Variants in RNF150 observed in about 807,000 individuals in gnomAD.
RNF150 encodes ring finger protein 150.
A neutral mutation model predicts 39.3 loss-of-function variants in RNF150; 24 were observed. The observed-to-expected ratio is 0.61, with a 90% CI of 0.44 to 0.86. The LOEUF (loss-of-function observed/expected upper bound fraction) is 0.86. Ranked by LOEUF, RNF150 falls within the 40% of genes least tolerant of loss-of-function variation. The pLI, the probability that RNF150 is intolerant of heterozygous loss-of-function variation, is 0.00. For synonymous variants in RNF150, 255 were observed against 227.3 expected, an observed-to-expected ratio of 1.12 and a Z score of -1.10; for missense variants, 502 against 587.8, an observed-to-expected ratio of 0.85 and a Z score of 1.51.
At chr4:141,195,229 C>T (rs535779288) in intron 1 of RNF150, among the ~76,000 whole-genome samples, 165 of 152,204 alleles carry the variant, frequency 1.1e-3, no homozygotes, top group Non-Finnish European at 2.2e-3. Context: ...GATGTAGTGT[C>T]TGCCCCTTTA....
At chr4:140,892,837 G>T (rs1344656337) in intron 6 of RNF150, among the ~76,000 whole-genome samples, 1 of 152,148 alleles carries the variant, frequency 6.6e-6, no homozygotes, top group Non-Finnish European at 1.5e-5. Context: ...CAAGCAGGAG[G>T]ATCGCTTGAG....
intron 1 of RNF150, among the ~76,000 whole-genome samples, chr4:141,112,437 T>C (rs890707045): frequency 3.3e-5 from 5 of 152,222 alleles, no homozygotes; most frequent in Admixed American, 1.3e-4. Context: ...ACAAAATCTC[T>C]CAGCATTTGC....
chr4:141,199,824 T>G (rs1156914831), intron 1 of RNF150, among the ~76,000 whole-genome samples: 1 of 152,240 alleles, frequency 6.6e-6, no homozygotes, highest in African/African-American at 2.4e-5. Context: ...ATATAAATTT[T>G]AAAAATGAAA....
intron 1 of RNF150, among the ~76,000 whole-genome samples, chr4:141,060,632 C>A (rs1483401360): frequency 6.6e-6 from 1 of 152,068 alleles, no homozygotes; most frequent in African/African-American, 2.4e-5. Context: ...TTTGTATTAT[C>A]TACCAATGTG....
chr4:141,169,691 C>T (rs1010454745), intron 1 of RNF150, among the ~76,000 whole-genome samples: 3 of 152,052 alleles, frequency 2.0e-5, no homozygotes, highest in Non-Finnish European at 4.4e-5. Context: ...TTAAATTTAA[C>T]TTTCTAATTG....
chr4:141,073,671 G>A (rs370595191), intron 1 of RNF150, among the ~76,000 whole-genome samples: 1,952 of 151,184 alleles, frequency 0.013, 55 homozygotes, highest in African/African-American at 0.045. Flanking sequence ...CTCGGGGGGG[G>A]AAGTCTAGGG....
At chr4:141,103,627 G>A (rs1739096018) in intron 1 of RNF150, among the ~76,000 whole-genome samples, 1 of 152,090 alleles carries the variant, frequency 6.6e-6, no homozygotes, top group Non-Finnish European at 1.5e-5. Context: ...TGAAACAAAA[G>A]TTTCACGGAA....
chr4:141,047,414 G>A (rs1032810192), intron 1 of RNF150, among the ~76,000 whole-genome samples: 4 of 152,096 alleles, frequency 2.6e-5, no homozygotes, highest in Non-Finnish European at 1.5e-5. Context: ...CTGGTCGTGT[G>A]TAAATGTGCA....
chr4:141,186,532 G>A (rs1728015516), intron 1 of RNF150, among the ~76,000 whole-genome samples: 1 of 151,880 alleles, frequency 6.6e-6, no homozygotes, highest in African/African-American at 2.4e-5. Flanking sequence ...CCAAGTAGCT[G>A]GGACTACAGG....
chr4:141,083,876 A>G (rs1738252149), intron 1 of RNF150, among the ~76,000 whole-genome samples: 1 of 152,234 alleles, frequency 6.6e-6, no homozygotes, highest in South Asian at 2.1e-4. Flanking sequence ...TGGAGACTGA[A>G]TAAAGATTAA....
chr4:141,080,314 T>G (rs1352313586), intron 1 of RNF150, among the ~76,000 whole-genome samples: 1 of 152,228 alleles, frequency 6.6e-6, no homozygotes, highest in Non-Finnish European at 1.5e-5. Context: ...ATTACTATTT[T>G]GTTTGTATTT....
At chr4:141,210,380 GGC>G (rs1251469877) in intron 1 of RNF150, among the ~76,000 whole-genome samples, 1 of 152,014 alleles carries the variant, frequency 6.6e-6, no homozygotes, top group Non-Finnish European at 1.5e-5. Context: ...AGTGGTTGCT[GGC>G]AAGAGGCTTA....
chr4:140,903,796 A>G (rs1181466583), intron 6 of RNF150, among the ~76,000 whole-genome samples: 1 of 152,198 alleles, frequency 6.6e-6, no homozygotes. Context: ...CAGGAAGACA[A>G]GCTTCTTCTG....
intron 1 of RNF150, among the ~76,000 whole-genome samples, chr4:141,044,656 T>C (rs1170752634): frequency 6.6e-6 from 1 of 152,160 alleles, no homozygotes; most frequent in Non-Finnish European, 1.5e-5. Context: ...TTAAATCTAT[T>C]ATGACTCAGA....
rs573967851 is a variant in RNF150 at position 141,188,419 on chromosome 4, C to T, written c.-6+24375G>A. On this transcript the variant is annotated intron_variant, in intron 1 of 7. Transcript: ENST00000420921. The stretch of plus-strand genomic sequence containing the variant: ...GTCTTGCTAGTTTGGGGAAGTTCTC[C>T]TGGATAATATCCTGAAGTGTGTTTT... 1.1e-4 allele frequency among the ~76,000 whole-genome samples: 17 copies of T among 152,294 alleles called. 1 individual carries two copies. The East Asian group carries it at 2.1e-3, about 19-fold the overall frequency.
intron 1 of RNF150, among the ~76,000 whole-genome samples, chr4:141,056,354 A>T (rs1736971788): frequency 6.6e-6 from 1 of 152,090 alleles, no homozygotes. Context: ...TGGGCAACAT[A>T]GTGAGACTCC....
intron 1 of RNF150, among the ~76,000 whole-genome samples, chr4:141,099,791 A>AT (rs1738941827): frequency 6.6e-6 from 1 of 151,898 alleles, no homozygotes; most frequent in East Asian, 1.9e-4. Context: ...AGTTATATAT[A>AT]TAAAAAAAAA....
chr4:141,194,521 A>G (rs994324002), intron 1 of RNF150, among the ~76,000 whole-genome samples: 2 of 152,202 alleles, frequency 1.3e-5, no homozygotes, highest in African/African-American at 4.8e-5. Context: ...TAAATGGAGA[A>G]TCTCAGACTG....
In RNF150 at chr4:141,210,187, A is replaced by G. The variant is rs185815790; in HGVS notation, c.-6+2607T>C. Among the ~76,000 whole-genome samples, 7 of 152,152 alleles carry G rather than the reference A, an allele frequency of 4.6e-5. No homozygotes were observed. In the East Asian group the frequency reaches 1.4e-3, roughly 29 times the overall value. ...GTGTATTTGATGATCTTTTATTGTGATCTCTCATGCTTGGCTGGTTTTAAT... is the reference window on the plus strand; with the variant it reads ...GTGTATTTGATGATCTTTTATTGTGGTCTCTCATGCTTGGCTGGTTTTAAT... On this transcript the variant is annotated intron_variant, in intron 1 of 7. Transcript: ENST00000420921.
Sources: gnomAD v4.1 joint callset for allele counts (sites outside exome capture counted in the v4.1 genomes callset) on GRCh38, gnomAD v4.1.1 for gene constraint, MANE v1.5 for transcripts, NCBI Gene and HGNC (gene_info 2026-07-23, HGNC 2026-07-21) for gene names.